Variants in RET observed in about 807,000 individuals in gnomAD.
RET encodes the protein proto-oncogene tyrosine-protein kinase receptor Ret.
RET carries 19 observed loss-of-function variants against 118.3 expected under a neutral mutation model. The observed-to-expected ratio is 0.16, with a 90% CI of 0.11 to 0.24. The LOEUF is 0.24. Ranked by LOEUF, RET falls within the 10% of genes least tolerant of loss-of-function variation. The pLI, the probability that RET is intolerant of heterozygous loss-of-function variation, is 1.00. For synonymous variants in RET, 597 were observed against 644.1 expected (o/e 0.93, Z 1.11); for missense variants, 1,219 against 1,502.1 (o/e 0.81, Z 3.12).
rs786202597 is a variant in RET at position 43,113,561 on chromosome 10, A to C, written c.1765A>C (p.Ser589Arg). The C allele has an allele frequency of 1.9e-6, 3 of 1,607,658 alleles. No homozygotes were observed. Among genetic ancestry groups the C allele is most frequent in the Non-Finnish European group, 2.5e-6 (3 of 1,178,038 alleles). ...TGGGCTACGTCTGCCCTCAGGGGGC[A>C]GCATTGTTGGGGGACACGAGCCTGG... ...NICPQDCLRG[S>R]IVGGHEPGEP... Residue 589 changes from serine (S) to arginine (R), a missense_variant, in exon 10 of 20, where the codon AGC (serine) becomes CGC (arginine). Physicochemically the swap from Ser to Arg is moderately radical, Grantham distance 110. Coordinates refer to ENST00000355710, the MANE Select transcript of RET (RefSeq NM_020975.6).
rs200468424 is a variant in RET, at chr10:43,100,734, G to A, written c.337+12G>A. 4.5e-4 allele frequency: 706 copies of A among 1,581,418 alleles called. 1 individual carries two copies. The African/African-American group carries it at 6.2e-3, about 14-fold the overall frequency. On this transcript the variant is annotated intron_variant, in intron 2 of 19. Coordinates refer to ENST00000355710, the MANE Select transcript of RET (RefSeq NM_020975.6). ...GCTCAGTGTCCGCAGTAAGGGAGCC[G>A]CCCCAACACCCACCCCGTGCCCCAC...
chr10:43,110,140 G>A (rs1428993007), intron 6 of RET, among the ~76,000 whole-genome samples: 3 of 151,992 alleles, frequency 2.0e-5, no homozygotes, highest in Non-Finnish European at 4.4e-5. Context: ...ACAGAGGGGC[G>A]ACAAGACAGA....
At position 43,128,844 on chromosome 10, in the gene RET, C is replaced by T. The variant is rs576656916; in HGVS notation, c.*575C>T. On this transcript the variant is annotated 3_prime_UTR_variant, in exon 20 of 20. Transcript: ENST00000355710. Reference sequence around the variant, plus strand: ...CGAGGATGGGCCTGGGCTCAGCATTCGAGATCTTGAGAATGATTTTTTTTA... The same window carrying T: ...CGAGGATGGGCCTGGGCTCAGCATTTGAGATCTTGAGAATGATTTTTTTTA... The T allele has an allele frequency of 4.2e-5, 10 of 237,454 alleles. No individual in the cohort carries two copies. Among genetic ancestry groups the T allele is most frequent in the African/African-American group, 2.0e-4 (9 of 45,028 alleles). The allele number at this position is 237,454 out of a possible 1,614,324, so 14.7% of individuals were successfully genotyped here.
intron 19 of RET, 102 bp downstream of exon 19, chr10:43,126,824 AAC>A: frequency 6.5e-7 from 1 of 1,531,694 alleles, no homozygotes; most frequent in Non-Finnish European, 8.8e-7. Flanking sequence ...GTCTGAACAA[AAC>A]CAAAGTCTGC....
rs1564490056 is a variant in RET at position 43,102,401 on chromosome 10, C to T, written c.397C>T (p.Arg133Cys). The T allele has an allele frequency of 2.5e-6, 4 of 1,614,154 alleles. No homozygotes were observed. Among genetic ancestry groups the T allele is most frequent in the South Asian group, 1.1e-5 (1 of 91,092 alleles). The change falls in exon 3 of 20, where the codon CGT becomes TGT. Residue 133 changes from arginine (R) to cysteine (C), a missense_variant. Coordinates refer to ENST00000355710, the MANE Select transcript of RET (RefSeq NM_020975.6). The part of the protein sequence containing the change: ...LKVFLSPTSL[R>C]EGECQWPGCA... ...GGTCTTCCTGTCACCCACATCCCTTCGTGAGGGCGAGTGCCAGTGGCCAGG... is the reference window on the plus strand; with the variant it reads ...GGTCTTCCTGTCACCCACATCCCTTTGTGAGGGCGAGTGCCAGTGGCCAGG...
rs768246167 is a variant in RET at position 43,104,945 on chromosome 10, T to C, written c.626-7T>C. The C allele has an allele frequency of 6.1e-5, 95 of 1,557,654 alleles. 1 individual carries two copies. Among genetic ancestry groups the C allele is most frequent in the Non-Finnish European group, 1.4e-5 (16 of 1,160,394 alleles). On this transcript the variant is annotated splice_region_variant and splice_polypyrimidine_tract_variant and intron_variant, in intron 3 of 19. Transcript: ENST00000355710. Reference sequence around the variant, plus strand: ...TCACGCGGGGCCCCTGTCTGCTTGGTGCGCAGGTGAGGGTCTGCCCTTCCG... The same window carrying C: ...TCACGCGGGGCCCCTGTCTGCTTGGCGCGCAGGTGAGGGTCTGCCCTTCCG...
chr10:43,081,337 TAAC>T (rs1837177846), intron 1 of RET, among the ~76,000 whole-genome samples: 2 of 152,202 alleles, frequency 1.3e-5, no homozygotes, highest in Admixed American at 1.3e-4. Context: ...ACAATAATAG[TAAC>T]AACAGCAGGC....
In RET at chr10:43,113,702, A is replaced by G. The variant is rs201492792; in HGVS notation, c.1879+27A>G. The G allele has an allele frequency of 7.6e-5, 122 of 1,611,546 alleles. 1 individual carries two copies. In the East Asian group the frequency reaches 2.4e-3, roughly 32 times the overall value. On this transcript the variant is annotated intron_variant, in intron 10 of 19. Coordinates refer to ENST00000355710, the MANE Select transcript of RET (RefSeq NM_020975.6). ...TGAGTGGGTGGCGGCCGGGACCACC[A>G]CCACCTCCCAGCCCCACAGAGGTCT...
chr10:43,126,513 A>C (rs1838331531), intron 18 of RET, 62 bp from the exon 19 acceptor site: 1 of 1,432,278 alleles, frequency 7.0e-7, no homozygotes, highest in African/African-American at 1.4e-5. Flanking sequence ...GGCTTGTTGT[A>C]TACTGAGTTG....
intron 1 of RET, among the ~76,000 whole-genome samples, chr10:43,094,407 G>A (rs1240332322): frequency 6.6e-6 from 1 of 152,252 alleles, no homozygotes; most frequent in Non-Finnish European, 1.5e-5. Context: ...CTACACACAT[G>A]CCCTACGCTG....
At chr10:43,126,228 G>T (rs1436444345) in intron 18 of RET, among the ~76,000 whole-genome samples, 2 of 152,234 alleles carry the variant, frequency 1.3e-5, no homozygotes, top group Admixed American at 6.5e-5. Context: ...CCCATCTCCG[G>T]GTTGGGCCAG....
intron 2 of RET, among the ~76,000 whole-genome samples, chr10:43,100,980 G>A (rs191765389): frequency 3.9e-5 from 6 of 152,350 alleles, no homozygotes; most frequent in South Asian, 2.1e-4. Flanking sequence ...TGCCAGACCC[G>A]AATCCCTCTT....
chr10:43,113,591 C>T lies in RET; in HGVS notation c.1795C>T (p.Pro599Ser), dbSNP rs1486769344. The change falls in exon 10 of 20, where the codon CCC becomes TCC. Residue 599 changes from proline to serine, a missense_variant. This residue lies in a region of RET where 850 missense variants were observed against 969.6 expected (regional missense o/e 0.88). Transcript: ENST00000355710. ...TGTTGGGGGACACGAGCCTGGGGAG[C>T]CCCGGGGGATTAAAGCTGGCTATGG... ...SIVGGHEPGE[P>S]RGIKAGYGTC... 1 of 1,611,524 alleles carries T rather than the reference C, an allele frequency of 6.2e-7. No homozygotes were observed. The highest frequency in any genetic ancestry group is 8.5e-7 in the Non-Finnish European group (1 of 1,179,232).
At chr10:43,099,948 C>T (rs1365144173) in intron 1 of RET, among the ~76,000 whole-genome samples, 4 of 152,238 alleles carry the variant, frequency 2.6e-5, no homozygotes, top group East Asian at 1.9e-4. Context: ...AGGCTCTTGA[C>T]TTCTGTGAAT....
chr10:43,094,290 G>T (rs1278172254), intron 1 of RET, among the ~76,000 whole-genome samples: 1 of 152,098 alleles, frequency 6.6e-6, no homozygotes, highest in Non-Finnish European at 1.5e-5. Flanking sequence ...GTCTCTTAAG[G>T]AGATTCTGCT....
chr10:43,112,987 T>C (rs1391322900), intron 9 of RET, 24 bp downstream of exon 9: 8 of 1,587,512 alleles, frequency 5.0e-6, no homozygotes, highest in Admixed American at 1.7e-5. Flanking sequence ...AATCAGGGCA[T>C]GGGAACAGGT....
Position 43,086,857 on chromosome 10 carries a change from C to T in RET, c.73+9526C>T, listed in dbSNP as rs573072520. Among the ~76,000 whole-genome samples the T allele has an allele frequency of 5.3e-4, 80 of 152,346 alleles. 2 individuals carry two copies. The South Asian group carries it at 0.016, about 31-fold the overall frequency. Reference sequence around the variant, plus strand: ...GTGGTGGCCATCGTGCAGCTTAGGGCCTGGGCCCCTCAGAGCAGAAGGCTG... The same window carrying T: ...GTGGTGGCCATCGTGCAGCTTAGGGTCTGGGCCCCTCAGAGCAGAAGGCTG... On this transcript the variant is annotated intron_variant, in intron 1 of 19. Coordinates refer to ENST00000355710, the MANE Select transcript of RET (RefSeq NM_020975.6).
At position 43,126,717 on chromosome 10, in the gene RET, T is replaced by A. The variant is rs536486113; in HGVS notation, c.3182T>A (p.Leu1061His). 1 of 1,613,892 alleles carries A rather than the reference T, an allele frequency of 6.2e-7. No homozygotes were observed. The highest frequency in any genetic ancestry group is 8.5e-7 in the Non-Finnish European group (1 of 1,179,962). Reference protein sequence around the residue: ...ALPSTWIENKLYGMSDPNWPG... With the variant: ...ALPSTWIENKHYGMSDPNWPG... ...CCTTCCACATGGATTGAAAACAAAC[T>A]CTATGGTAGAATTTCCCATGCATTT... The change falls in exon 19 of 20, where the codon CTC (leucine) becomes CAC (histidine). Residue 1061 changes from leucine (L) to histidine (H), a missense_variant. Physicochemically the swap from Leu to His is moderately conservative, Grantham distance 99. Transcript: ENST00000355710.
chr10:43,112,088 GC>G lies in RET; in HGVS notation c.1523-9del. The G allele has an allele frequency of 6.3e-7, 1 of 1,595,250 alleles. No individual in the cohort carries two copies. Among genetic ancestry groups the G allele is most frequent in the Admixed American group, 1.7e-5 (1 of 57,746 alleles). On this transcript the variant is annotated splice_polypyrimidine_tract_variant and intron_variant, in intron 7 of 19. Transcript: ENST00000355710. ...CAGCCCCCTGTGACCCTGCTTGTCT[GC>G]CACCTGCAGATGTGGCCGAGGAGGC... is the stretch of plus-strand genomic sequence containing the variant.
Sources: gnomAD v4.1 joint callset for allele counts (sites outside exome capture counted in the v4.1 genomes callset) on GRCh38, gnomAD v4.1.1 for gene constraint, gnomAD v4.1.1 regional missense constraint, MANE v1.5 for transcripts, NCBI Gene and HGNC (gene_info 2026-07-23, HGNC 2026-07-21) for gene names.